MAP2K3: variants seen among roughly 807,000 people sequenced by gnomAD.
The protein encoded by MAP2K3 is mitogen-activated protein kinase kinase 3.
Under a neutral mutation model 46.4 loss-of-function variants are expected in MAP2K3, and 30 were observed. The ratio of observed to expected loss-of-function variants is 0.65; its 90% CI spans 0.48 to 0.88. The LOEUF (loss-of-function observed/expected upper bound fraction) is 0.88. Ranked by LOEUF, MAP2K3 falls within the 40% of genes least tolerant of loss-of-function variation. The pLI is 0.00. For missense variants in MAP2K3, 380 were observed against 464.5 expected (o/e 0.82, Z 1.67); for synonymous variants, 189 against 176.3 (o/e 1.07, Z -0.57).
chr17:21,300,603 A>C lies in MAP2K3; in HGVS notation c.224A>C (p.Tyr75Ser). 3 of 1,613,172 alleles carry C rather than the reference A, an allele frequency of 1.9e-6. No individual in the cohort carries two copies. The highest frequency in any genetic ancestry group is 2.5e-6 in the Non-Finnish European group (3 of 1,179,624). ...VTISELGRGA[Y>S]GVVEKVRHAQ... ...ATCTCAGAACTGGGCCGTGGAGCCTATGGGGTGGTAGAGAAGGTGCGGCAC... is the reference window on the plus strand; with the variant it reads ...ATCTCAGAACTGGGCCGTGGAGCCTCTGGGGTGGTAGAGAAGGTGCGGCAC... Residue 75 changes from tyrosine to serine, a missense_variant, in exon 4 of 12, where the codon TAT becomes TCT. By Grantham distance (144) the Tyr-to-Ser change is moderately radical. This residue lies in a region of MAP2K3 where 294 missense variants were observed against 275.4 expected (regional missense o/e 1.07). Coordinates refer to ENST00000342679, the MANE Select transcript of MAP2K3 (RefSeq NM_145109.3).
At chr17:21,298,197 C>G in intron 1 of MAP2K3, 2 of 751,908 alleles carry the variant, frequency 2.7e-6, no homozygotes, top group Admixed American at 3.7e-5. Flanking sequence ...GTCCAGCCTC[C>G]AGGCCTGGGT....
At chr17:21,303,117 G>A (rs990175148) in intron 6 of MAP2K3, 66 bp from the exon 7 acceptor site, 170 of 1,605,866 alleles carry the variant, frequency 1.1e-4, no homozygotes, top group Non-Finnish European at 1.3e-4. Context: ...TTACTGCTCT[G>A]TCGTTTTTGA....
At chr17:21,302,046 G>C in intron 5 of MAP2K3, 97 bp from the exon 6 acceptor site, 2 of 1,067,280 alleles carry the variant, frequency 1.9e-6, no homozygotes, top group African/African-American at 3.9e-5. Flanking sequence ...ACGTCGGAGA[G>C]GGGGCTGGGG....
At chr17:21,303,615 CA>C (rs2053156806) in intron 7 of MAP2K3, among the ~76,000 whole-genome samples, 1 of 152,310 alleles carries the variant, frequency 6.6e-6, no homozygotes, top group Admixed American at 6.5e-5. Flanking sequence ...CCTTCCCTGC[CA>C]TCCCCCATGT....
Position 21,300,457 on chromosome 17 carries a change from T to C in MAP2K3, c.166-88T>C. ...GCCCAGATCTAATCAGCTGGTCCTC[T>C]TCATGCTGCCCAGGTATCTCCACTG... On this transcript the variant is annotated intron_variant, in intron 3 of 11. Transcript: ENST00000342679. The C allele has an allele frequency of 2.9e-6, 4 of 1,382,904 alleles. No individual in the cohort carries two copies. In the South Asian group the frequency reaches 5.0e-5, roughly 17 times the overall value. 85.7% of individuals were successfully genotyped at this position (1,382,904 alleles called of 1,614,324 possible).
chr17:21,298,859 G>T lies in MAP2K3; in HGVS notation c.117-19G>T. 6.2e-7 allele frequency: 1 copy of T among 1,614,308 alleles called. No individual in the cohort carries two copies. Reference sequence around the variant, plus strand: ...GGTGTGGTTCTCTCTGAAGCTCACGGAGTCTTCTTTCTCCACAGACCCCCC... The same window carrying T: ...GGTGTGGTTCTCTCTGAAGCTCACGTAGTCTTCTTTCTCCACAGACCCCCC... On this transcript the variant is annotated intron_variant, in intron 2 of 11. Transcript: ENST00000342679.
intron 4 of MAP2K3, 54 bp downstream of exon 4, chr17:21,300,712 C>T: frequency 3.1e-6 from 5 of 1,594,920 alleles, no homozygotes; most frequent in Non-Finnish European, 4.3e-6. Context: ...GCGGGCTGAG[C>T]TCTGCCATGG....
chr17:21,285,231 C>T, intron 1 of MAP2K3: 2 of 985,212 alleles, frequency 2.0e-6, no homozygotes, highest in African/African-American at 3.5e-5. Flanking sequence ...TCTGCTCACC[C>T]CATCCAAGTC....
intron 1 of MAP2K3, among the ~76,000 whole-genome samples, chr17:21,286,214 A>G (rs934392541): frequency 4.6e-5 from 7 of 152,258 alleles, no homozygotes; most frequent in Non-Finnish European, 1.0e-4. Context: ...ACCAGGGTAC[A>G]CTGGCTGCAC....
intron 6 of MAP2K3, among the ~76,000 whole-genome samples, chr17:21,302,822 G>A (rs1045619606): frequency 6.6e-6 from 1 of 152,312 alleles, no homozygotes; most frequent in African/African-American, 2.4e-5. Flanking sequence ...GCCTTCCCAA[G>A]GGAAATGGCT....
At position 21,312,151 on chromosome 17, in the gene MAP2K3, G is replaced by A; in HGVS notation, c.784G>A (p.Ala262Thr). The change falls in exon 10 of 12, where the codon GCC becomes ACC. Residue 262 changes from alanine to threonine, a missense_variant. This residue lies in a region of MAP2K3 where 10 missense variants were observed against 30.0 expected (regional missense o/e 0.33). Transcript: ENST00000342679. ...CCTGTCCCCGCTGCAGATTGAGATG[G>A]CCATCCTGCGGTTCCCTTACGAGTC... ...WSLGITMIEM[A>T]ILRFPYESWG... 1 of 1,558,298 alleles carries A rather than the reference G, an allele frequency of 6.4e-7. No homozygotes were observed. The highest frequency in any genetic ancestry group is 1.2e-5 in the South Asian group (1 of 85,188).
chr17:21,295,275 G>A (rs1378550418), intron 1 of MAP2K3, among the ~76,000 whole-genome samples: 2 of 152,312 alleles, frequency 1.3e-5, no homozygotes, highest in Non-Finnish European at 2.9e-5. Context: ...TTGTGTTCTA[G>A]TCTGGGGGTG....
At chr17:21,301,115 G>A in intron 5 of MAP2K3, 122 bp downstream of exon 5, 2 of 1,528,050 alleles carry the variant, frequency 1.3e-6, no homozygotes, top group East Asian at 2.3e-5. Flanking sequence ...ACTGGCAGGA[G>A]GCTCCCCCGT....
chr17:21,314,763 C>G lies in MAP2K3; in HGVS notation c.*533C>G, dbSNP rs2144678615. Reference sequence around the variant, plus strand: ...CATGAGGGAGATGCCATGAGCCGCCCAAGGCCTTCCCCTGGCACTGGCAAA... The same window carrying G: ...CATGAGGGAGATGCCATGAGCCGCCGAAGGCCTTCCCCTGGCACTGGCAAA... On this transcript the variant is annotated 3_prime_UTR_variant, in exon 12 of 12. Coordinates refer to ENST00000342679, the MANE Select transcript of MAP2K3 (RefSeq NM_145109.3). The G allele has an allele frequency of 6.5e-6, 1 of 154,180 alleles. No individual in the cohort carries two copies. Among genetic ancestry groups the G allele is most frequent in the East Asian group, 1.9e-4 (1 of 5,224 alleles). 9.6% of individuals were successfully genotyped at this position (154,180 alleles called of 1,614,324 possible).
At chr17:21,289,925 T>C (rs1030298136) in intron 1 of MAP2K3, among the ~76,000 whole-genome samples, 20 of 152,224 alleles carry the variant, frequency 1.3e-4, no homozygotes, top group Admixed American at 1.3e-4. Context: ...CTCTCCCAGC[T>C]GGTCCCCTGC....
chr17:21,307,845 C>CTTTTTT (rs35690616), intron 9 of MAP2K3, among the ~76,000 whole-genome samples: 15 of 104,798 alleles, frequency 1.4e-4, no homozygotes, highest in Non-Finnish European at 2.0e-4. Context: ...GCCCGGCTAT[C>CTTTTTT]TTTTTTTTTT....
intron 1 of MAP2K3, among the ~76,000 whole-genome samples, chr17:21,297,177 C>T (rs182875387): frequency 0.01 from 1,520 of 151,720 alleles, no homozygotes; most frequent in Admixed American, 0.012. Context: ...TGCTGGGCCC[C>T]GGTGCGTGGC....
chr17:21,309,305 G>T (rs2144647363), intron 9 of MAP2K3, among the ~76,000 whole-genome samples: 1 of 152,424 alleles, frequency 6.6e-6, no homozygotes, highest in South Asian at 2.1e-4. Context: ...TCACAGGCCA[G>T]CCCAGGTTCA....
At chr17:21,313,674 C>G (rs764198277) in intron 11 of MAP2K3, 137 bp downstream of exon 11, 2 of 726,402 alleles carry the variant, frequency 2.8e-6, no homozygotes, top group Admixed American at 4.6e-5. Flanking sequence ...TTTAGGTGCT[C>G]GGTCATTTGT....
Sources: gnomAD v4.1 joint callset for allele counts (sites outside exome capture counted in the v4.1 genomes callset) on GRCh38, gnomAD v4.1.1 for gene constraint, gnomAD v4.1.1 regional missense constraint, MANE v1.5 for transcripts, NCBI Gene and HGNC (gene_info 2026-07-23, HGNC 2026-07-21) for gene names.